Variants in HAT1 observed in about 807,000 individuals in gnomAD.
The protein encoded by HAT1 is histone acetyltransferase type B catalytic subunit.
A neutral mutation model predicts 56.6 loss-of-function variants in HAT1; 20 were observed. The ratio of observed to expected loss-of-function variants is 0.35; its 90% confidence interval spans 0.25 to 0.51. The LOEUF is 0.51. Ranked by LOEUF, HAT1 falls within the 20% of genes least tolerant of loss-of-function variation. The probability of loss-of-function intolerance (pLI) is 0.95; values close to 1 mark genes in which losing one functional copy is unlikely to be tolerated. For synonymous variants in HAT1, 146 were observed against 165.5 expected, an observed-to-expected ratio of 0.88 and a Z score of 0.91; for missense variants, 408 against 504.3, an observed-to-expected ratio of 0.81 and a Z score of 1.83.
Position 171,969,542 on chromosome 2 carries a change from A to G in HAT1, c.823+2593A>G, listed in dbSNP as rs527790141. ...ATTCAAGAAAATTTTATCTTTAAAT[A>G]TGTTGCTTATCTTTGTAGCATAGAA... On this transcript the variant is annotated intron_variant, in intron 8 of 10. Transcript: ENST00000264108. Among the ~76,000 whole-genome samples the G allele has an allele frequency of 3.3e-5, 5 of 152,312 alleles. No homozygotes were observed. In the South Asian group the frequency reaches 8.3e-4, roughly 25 times the overall value.
intron 6 of HAT1, 157 bp downstream of exon 6, chr2:171,966,065 G>A (rs900292802): frequency 1.5e-6 from 1 of 672,968 alleles, no homozygotes; most frequent in Non-Finnish European, 2.5e-6. Context: ...TTATGCTTTG[G>A]GAGACCTTGA....
chr2:171,934,816 C>T (rs922794158), intron 2 of HAT1, among the ~76,000 whole-genome samples: 4 of 137,154 alleles, frequency 2.9e-5, no homozygotes, highest in African/African-American at 8.0e-5. Context: ...AGTGCAATGG[C>T]GCGATCTCAG....
At position 171,965,855 on chromosome 2, in the gene HAT1, T is replaced by G; in HGVS notation, c.558T>G (p.Ile186Met). 1 of 1,612,910 alleles carries G rather than the reference T, an allele frequency of 6.2e-7. No individual in the cohort carries two copies. The highest frequency in any genetic ancestry group is 1.7e-4 in the Middle Eastern group (1 of 6,054). ...TTCAGACCTTTTTGATGTGGTTTAT[T>G]GAAACTGCTAGCTTTATTGACGTGG... ...ERLQTFLMWF[I>M]ETASFIDVDD... Residue 186 changes from isoleucine (I) to methionine (M), a missense_variant, in exon 6 of 11, where the codon ATT (isoleucine) becomes ATG (methionine). Physicochemically the swap from Ile to Met is conservative, Grantham distance 10. Transcript: ENST00000264108.
chr2:171,930,694 A>G (rs886815233), intron 2 of HAT1, among the ~76,000 whole-genome samples: 2 of 152,068 alleles, frequency 1.3e-5, no homozygotes, highest in Non-Finnish European at 2.9e-5. Flanking sequence ...GGCTCACTAT[A>G]GCCTTGACTT....
chr2:171,926,120 T>C (rs7594478), intron 2 of HAT1, among the ~76,000 whole-genome samples: 34,047 of 151,484 alleles, frequency 0.22, 4,813 homozygotes, highest in African/African-American at 0.38. Context: ...TTTTCTTTCT[T>C]TCTTTTTTAA....
chr2:171,931,292 G>A (rs1686738886), intron 2 of HAT1, among the ~76,000 whole-genome samples: 1 of 152,162 alleles, frequency 6.6e-6, no homozygotes, highest in Non-Finnish European at 1.5e-5. Flanking sequence ...GGAGGCTGAG[G>A]TGGGAGGATC....
chr2:171,946,344 G>A (rs1488634536), intron 2 of HAT1, among the ~76,000 whole-genome samples: 2 of 152,186 alleles, frequency 1.3e-5, no homozygotes, highest in African/African-American at 4.8e-5. Context: ...ACAGCATTCT[G>A]TTTTCATTTG....
intron 8 of HAT1, among the ~76,000 whole-genome samples, chr2:171,970,728 C>T (rs761775859): frequency 4.6e-4 from 69 of 150,246 alleles, no homozygotes; most frequent in Middle Eastern, 6.8e-3. Flanking sequence ...CCGTATTGGC[C>T]AGGCTGGTCT....
chr2:171,956,686 G>T (rs1209825597), intron 4 of HAT1, among the ~76,000 whole-genome samples: 1 of 152,214 alleles, frequency 6.6e-6, no homozygotes, highest in Non-Finnish European at 1.5e-5. Context: ...TGTAAGCAAT[G>T]AACTTGGATG....
chr2:171,940,935 T>C (rs1272379338), intron 2 of HAT1, among the ~76,000 whole-genome samples: 1 of 152,244 alleles, frequency 6.6e-6, no homozygotes, highest in East Asian at 1.9e-4. Context: ...TGTTTTTCAC[T>C]CATTTTGACT....
intron 2 of HAT1, among the ~76,000 whole-genome samples, chr2:171,936,163 T>C (rs1686868742): frequency 6.6e-6 from 1 of 152,134 alleles, no homozygotes; most frequent in African/African-American, 2.4e-5. Flanking sequence ...TGTTGGAAAG[T>C]GCAACAGTGA....
chr2:171,958,335 AT>A (rs769755392), intron 4 of HAT1, among the ~76,000 whole-genome samples: 43 of 145,252 alleles, frequency 3.0e-4, no homozygotes, highest in Admixed American at 3.4e-4. Flanking sequence ...CTCTCCCGTT[AT>A]TTTTTTTTTT....
intron 2 of HAT1, among the ~76,000 whole-genome samples, chr2:171,938,584 CTG>C (rs1046343363): frequency 6.6e-6 from 1 of 152,148 alleles, no homozygotes; most frequent in Non-Finnish European, 1.5e-5. Context: ...CCAGTCTACT[CTG>C]TAATCTCGTT....
intron 2 of HAT1, among the ~76,000 whole-genome samples, chr2:171,938,953 C>A (rs979167859): frequency 2.0e-5 from 3 of 152,076 alleles, no homozygotes; most frequent in Non-Finnish European, 4.4e-5. Context: ...GTTGCTCAGG[C>A]TGGTCTTGAA....
chr2:171,977,955 C>T (rs1688029702), intron 9 of HAT1, among the ~76,000 whole-genome samples: 1 of 151,972 alleles, frequency 6.6e-6, no homozygotes, highest in Non-Finnish European at 1.5e-5. Context: ...AGTGAAACAA[C>T]ATCAACAGAA....
At chr2:171,941,859 G>A (rs1273537330) in intron 2 of HAT1, among the ~76,000 whole-genome samples, 1 of 152,086 alleles carries the variant, frequency 6.6e-6, no homozygotes, top group African/African-American at 2.4e-5. Flanking sequence ...AGTATTCCAG[G>A]CCCTGAGCTT....
chr2:171,976,388 A>G (rs1006103401), intron 9 of HAT1, 80 bp downstream of exon 9: 1 of 721,820 alleles, frequency 1.4e-6, no homozygotes, highest in Non-Finnish European at 2.1e-6. Context: ...AAAATATTAT[A>G]AAGACATTAA....
Position 171,932,035 on chromosome 2 carries a change from G to A in HAT1, c.112+6394G>A, listed in dbSNP as rs554807236. ...TTTGGTGAGAGTTTTTATTATGAAA[G>A]TGTTACCTTCTAATGCTTTTTCTTT... is the stretch of plus-strand genomic sequence containing the variant. On this transcript the variant is annotated intron_variant, in intron 2 of 10. Transcript: ENST00000264108. Among the ~76,000 whole-genome samples, 5 of 152,314 alleles carry A rather than the reference G, an allele frequency of 3.3e-5. No homozygotes were observed. The South Asian group carries it at 1.0e-3, about 32-fold the overall frequency.
chr2:171,930,124 TC>T (rs1218087711), intron 2 of HAT1, among the ~76,000 whole-genome samples: 1 of 152,184 alleles, frequency 6.6e-6, no homozygotes, highest in African/African-American at 2.4e-5. Flanking sequence ...TCTGAGTAAA[TC>T]TACATCTTTT....
Sources: gnomAD v4.1 joint callset for allele counts (sites outside exome capture counted in the v4.1 genomes callset) on GRCh38, gnomAD v4.1.1 for gene constraint, MANE v1.5 for transcripts, NCBI Gene and HGNC (gene_info 2026-07-23, HGNC 2026-07-21) for gene names.